Variants in DLG2 observed in about 807,000 individuals in gnomAD.
The protein encoded by DLG2 is disks large homolog 2.
DLG2 carries 45 observed loss-of-function variants against 132.5 expected under a neutral mutation model. That is an observed-to-expected ratio of 0.34 (90% CI 0.27 to 0.44). The LOEUF (loss-of-function observed/expected upper bound fraction) is 0.44. Ranked by LOEUF, DLG2 falls within the 20% of genes least tolerant of loss-of-function variation. The probability of loss-of-function intolerance (pLI) is 1.00; values close to 1 mark genes in which losing one functional copy is unlikely to be tolerated. For synonymous variants in DLG2, 424 were observed against 419.6 expected, an observed-to-expected ratio of 1.01 and a Z score of -0.13; for missense variants, 1,045 against 1,196.9, an observed-to-expected ratio of 0.87 and a Z score of 1.87.
chr11:84,723,530 T>C (rs553071), intron 6 of DLG2, among the ~76,000 whole-genome samples: 98,922 of 151,828 alleles, frequency 0.65, 32,638 homozygotes, highest in Middle Eastern at 0.75. Flanking sequence ...CTGGGGTAAA[T>C]TGGAGGGGAA....
intron 19 of DLG2, among the ~76,000 whole-genome samples, chr11:83,575,734 C>T (rs923196261): frequency 4.6e-5 from 7 of 152,020 alleles, no homozygotes; most frequent in African/African-American, 1.7e-4. Context: ...TAAATGCTGC[C>T]CTCCCATCTA....
chr11:84,915,622 C>G (rs1785350646), intron 6 of DLG2, among the ~76,000 whole-genome samples: 1 of 152,218 alleles, frequency 6.6e-6, no homozygotes, highest in South Asian at 2.1e-4. Context: ...TCCTAAGATT[C>G]TGATGCTGGA....
At chr11:84,887,898 A>T (rs543996549) in intron 6 of DLG2, among the ~76,000 whole-genome samples, 1 of 152,266 alleles carries the variant, frequency 6.6e-6, no homozygotes, top group Non-Finnish European at 1.5e-5. Flanking sequence ...ATCTGCTGTA[A>T]CTAGTATCCA....
At chr11:84,057,472 T>C (rs1203599026) in intron 11 of DLG2, among the ~76,000 whole-genome samples, 1 of 152,176 alleles carries the variant, frequency 6.6e-6, no homozygotes, top group Non-Finnish European at 1.5e-5. Context: ...AATATGATTT[T>C]AGTAAATGTG....
rs1555110325 is a variant in DLG2 at position 84,626,881 on chromosome 11, T to TTTATTTTATTTTATTTTA, written c.358-92151_358-92150insTAAAATAAAATAAAATAA. ...TTTATTTTATTTTATTTTATTTTATTTTATTTTTGAGATGGAGTCTCACTC... is the reference window on the plus strand; with the variant it reads ...TTTATTTTATTTTATTTTATTTTATTTTATTTTATTTTATTTTATTATTTTTGAGATGGAGTCTCACTC... On this transcript the variant is annotated intron_variant, in intron 6 of 27. Transcript: ENST00000376104. 2.6e-3 allele frequency among the ~76,000 whole-genome samples: 380 copies of TTTATTTTATTTTATTTTA among 147,658 alleles called. 3 individuals carry two copies. Among genetic ancestry groups the TTTATTTTATTTTATTTTA allele is most frequent in the South Asian group, 0.011 (53 of 4,670 alleles).
At chr11:85,531,799 G>T (rs2153192670) in intron 3 of DLG2, among the ~76,000 whole-genome samples, 1 of 152,236 alleles carries the variant, frequency 6.6e-6, no homozygotes, top group Middle Eastern at 3.4e-3. Flanking sequence ...TCTTACCCTG[G>T]AGTTCATAGC....
At chr11:83,598,659 T>A (rs191069116) in intron 19 of DLG2, among the ~76,000 whole-genome samples, 57 of 152,370 alleles carry the variant, frequency 3.7e-4, no homozygotes, top group Non-Finnish European at 7.8e-4. Context: ...AAACTTTAGA[T>A]CTTCATATAC....
rs1411142963 is a variant in DLG2 at position 85,534,784 on chromosome 11, G to C, written c.40+63873C>G. On this transcript the variant is annotated intron_variant, in intron 3 of 27. Coordinates refer to ENST00000376104, the MANE Select transcript of DLG2 (RefSeq NM_001142699.3). ...CTCCATGTGTTTGCTATTGTGAATGGTGCTGCAATAAACATATGAGTGCAG... is the reference window on the plus strand; with the variant it reads ...CTCCATGTGTTTGCTATTGTGAATGCTGCTGCAATAAACATATGAGTGCAG... Among the ~76,000 whole-genome samples the C allele has an allele frequency of 2.6e-5, 4 of 152,128 alleles. No individual in the cohort carries two copies. In the South Asian group the frequency reaches 6.2e-4, roughly 24 times the overall value.
chr11:85,008,654 A>G (rs896969675), intron 6 of DLG2, among the ~76,000 whole-genome samples: 4 of 152,096 alleles, frequency 2.6e-5, no homozygotes, highest in African/African-American at 7.2e-5. Flanking sequence ...TTAACTATAT[A>G]TAACCTAACT....
chr11:84,799,789 G>T (rs941708824), intron 6 of DLG2, among the ~76,000 whole-genome samples: 1 of 152,158 alleles, frequency 6.6e-6, no homozygotes, highest in African/African-American at 2.4e-5. Flanking sequence ...TTCCTGAGTA[G>T]CCTTCTCTGT....
intron 3 of DLG2, among the ~76,000 whole-genome samples, chr11:85,349,303 C>CT (rs778316203): frequency 1.3e-5 from 2 of 152,098 alleles, no homozygotes; most frequent in Non-Finnish European, 2.9e-5. Flanking sequence ...ACAGCAGACT[C>CT]TGAAAGAAAC....
intron 6 of DLG2, among the ~76,000 whole-genome samples, chr11:84,976,116 T>C (rs2054865662): frequency 6.6e-6 from 1 of 152,200 alleles, no homozygotes; most frequent in South Asian, 2.1e-4. Context: ...ATTATAAGAA[T>C]GGTGACATTA....
At chr11:84,152,182 T>C (rs1204583609) in intron 9 of DLG2, among the ~76,000 whole-genome samples, 1 of 152,158 alleles carries the variant, frequency 6.6e-6, no homozygotes, top group East Asian at 1.9e-4. Flanking sequence ...GCTAAGTATT[T>C]TCATAGATCT....
intron 6 of DLG2, among the ~76,000 whole-genome samples, chr11:84,875,335 T>C (rs2086172009): frequency 6.6e-6 from 1 of 152,074 alleles, no homozygotes; most frequent in African/African-American, 2.4e-5. Context: ...AGTAAATAAA[T>C]GATAACTAAT....
intron 3 of DLG2, among the ~76,000 whole-genome samples, chr11:85,414,582 T>A (rs766997099): frequency 4.6e-5 from 7 of 152,022 alleles, no homozygotes; most frequent in Non-Finnish European, 1.0e-4. Flanking sequence ...GGTTTTTGGA[T>A]GTAATATTCT....
At chr11:85,426,701 ACT>A (rs1384482117) in intron 3 of DLG2, among the ~76,000 whole-genome samples, 2 of 152,224 alleles carry the variant, frequency 1.3e-5, no homozygotes, top group Non-Finnish European at 2.9e-5. Flanking sequence ...AAAACTGGAA[ACT>A]CTAAAAATCA....
At chr11:85,402,825 TA>T (rs1343802532) in intron 3 of DLG2, among the ~76,000 whole-genome samples, 1 of 152,092 alleles carries the variant, frequency 6.6e-6, no homozygotes, top group Non-Finnish European at 1.5e-5. Context: ...TGTCGATCAT[TA>T]AAAAGTCAGT....
At chr11:84,579,490 A>G (rs2099511382) in intron 6 of DLG2, among the ~76,000 whole-genome samples, 1 of 152,202 alleles carries the variant, frequency 6.6e-6, no homozygotes, top group African/African-American at 2.4e-5. Flanking sequence ...TCATGCAGTG[A>G]AAAGAGGAGA....
intron 18 of DLG2, among the ~76,000 whole-genome samples, chr11:83,743,423 C>CA (rs1054221592): frequency 1.1e-5 from 1 of 94,990 alleles, no homozygotes; most frequent in Non-Finnish European, 1.8e-5. Flanking sequence ...TAACAGTGGG[C>CA]AGGCCATTTT....
Sources: allele counts gnomAD v4.1 joint callset (sites outside exome capture counted in the v4.1 genomes callset), GRCh38; gene constraint gnomAD v4.1.1; transcripts MANE v1.5; gene names NCBI Gene and HGNC (gene_info 2026-07-23, HGNC 2026-07-21).